The following SNX2 variants were observed in gnomAD, a reference collection of about 807,000 sequenced individuals.
SNX2 encodes sorting nexin 2, also known as sorting nexin-2.
A neutral mutation model predicts 69.9 loss-of-function variants in SNX2; 25 were observed. The ratio of observed to expected loss-of-function variants is 0.36; its 90% confidence interval spans 0.26 to 0.50. The LOEUF is 0.50. Ranked by LOEUF, SNX2 falls within the 20% of genes least tolerant of loss-of-function variation. SNX2 has a pLI of 0.97. For missense variants in SNX2, 551 were observed against 613.3 expected (o/e 0.90, Z 1.07); for synonymous variants, 229 against 200.4 (o/e 1.14, Z -1.20).
At chr5:122,779,859 T>A (rs1752933058) in intron 1 of SNX2, among the ~76,000 whole-genome samples, 1 of 152,182 alleles carries the variant, frequency 6.6e-6, no homozygotes, top group Non-Finnish European at 1.5e-5. Flanking sequence ...AAGCCCAGCA[T>A]GCATTAGGTC....
chr5:122,830,420 T>A lies in SNX2; in HGVS notation c.*772T>A, dbSNP rs1225178981. ...GGAAAAAAATGTATTTATATACTTT[T>A]ACAAGTCCCATGGATTTTGTTCATC... On this transcript the variant is annotated 3_prime_UTR_variant, in exon 15 of 15. Transcript: ENST00000379516. Among the ~76,000 whole-genome samples, 1 of 152,220 alleles carries A rather than the reference T, an allele frequency of 6.6e-6. No individual in the cohort carries two copies.
intron 5 of SNX2, 101 bp from the exon 6 acceptor site, chr5:122,803,371 G>T: frequency 8.7e-7 from 1 of 1,146,316 alleles, no homozygotes; most frequent in South Asian, 1.9e-5. Context: ...GCATTCTTTT[G>T]CAAAGTAGAT....
intron 6 of SNX2, among the ~76,000 whole-genome samples, chr5:122,806,235 A>T (rs372213657): frequency 1.3e-5 from 2 of 151,992 alleles, no homozygotes; most frequent in Admixed American, 1.3e-4. Flanking sequence ...AGAAATTATC[A>T]GGAAAAAAAT....
chr5:122,820,275 C>T (rs559750705), intron 11 of SNX2, among the ~76,000 whole-genome samples: 43 of 152,232 alleles, frequency 2.8e-4, no homozygotes, highest in African/African-American at 8.9e-4. Flanking sequence ...CTGTGGCTCA[C>T]GCCTGTAATC....
Position 122,803,614 on chromosome 5 carries a change from G to A in SNX2, c.643+1G>A. On this transcript the variant is annotated splice_donor_variant, in intron 6 of 14. Transcript: ENST00000379516. LOFTEE classifies it high-confidence loss of function. The stretch of plus-strand genomic sequence containing the variant: ...CCAGCTCCAGAAAAGAGTATAGTAG[G>A]TAAGCACAAATTTTTCAAAAATTAA... The A allele has an allele frequency of 1.3e-6, 2 of 1,590,768 alleles. No homozygotes were observed. The highest frequency in any genetic ancestry group is 1.7e-6 in the Non-Finnish European group (2 of 1,171,056).
Position 122,808,303 on chromosome 5 carries a change from G to A in SNX2, c.670G>A (p.Glu224Lys). 1.9e-6 allele frequency: 3 copies of A among 1,611,498 alleles called. No homozygotes were observed. The highest frequency in any genetic ancestry group is 2.5e-6 in the Non-Finnish European group (3 of 1,178,966). Residue 224 changes from glutamate (E) to lysine (K), a missense_variant, in exon 7 of 15, where the codon GAA (glutamate) becomes AAA (lysine). Transcript: ENST00000379516. ...VGMTKVKVGK[E>K]DSSSTEFVEK... ...GATGACCAAGGTCAAAGTGGGTAAA[G>A]AAGACTCATCATCCACTGAGTTTGT...
At chr5:122,790,302 A>G (rs537632227) in intron 1 of SNX2, among the ~76,000 whole-genome samples, 21 of 152,154 alleles carry the variant, frequency 1.4e-4, no homozygotes, top group Admixed American at 1.2e-3. Context: ...TGTATATTTA[A>G]TAGAGACGGG....
chr5:122,783,827 G>A (rs757600532), intron 1 of SNX2, among the ~76,000 whole-genome samples: 34 of 151,880 alleles, frequency 2.2e-4, no homozygotes, highest in South Asian at 1.0e-3. Context: ...ATTTTAATTG[G>A]GATTGTGTTG....
At chr5:122,775,576 TTTTGAAGGGG>T (rs1172408393) in intron 1 of SNX2, 4 of 999,494 alleles carry the variant, frequency 4.0e-6, no homozygotes, top group Non-Finnish European at 3.6e-6. Context: ...CACCGAGCTC[TTTTGAAGGGG>T]TGCTCGCTTT....
Position 122,779,083 on chromosome 5 carries a change from A to T in SNX2, c.108+3872A>T, listed in dbSNP as rs569875615. ...CTTTAAATACAGTTTTGCATGGAGT[A>T]GTAGATAGTACGTTTTAAAAAAAAG... On this transcript the variant is annotated intron_variant, in intron 1 of 14. Transcript: ENST00000379516. 7.9e-5 allele frequency among the ~76,000 whole-genome samples: 12 copies of T among 152,300 alleles called. No individual in the cohort carries two copies. In the South Asian group the frequency reaches 2.3e-3, roughly 29 times the overall value.
At chr5:122,795,216 C>A in intron 1 of SNX2, 50 bp from the exon 2 acceptor site, 2 of 1,180,298 alleles carry the variant, frequency 1.7e-6, no homozygotes, top group South Asian at 1.3e-5. Flanking sequence ...GACAGAATTA[C>A]AACAGGTAAA....
intron 7 of SNX2, chr5:122,808,839 T>C (rs1448908455): frequency 1.3e-5 from 2 of 152,294 alleles, no homozygotes; most frequent in Non-Finnish European, 2.9e-5. Context: ...ATAGTATAGC[T>C]AATTATAGTT....
At chr5:122,819,407 T>G (rs1183723048) in intron 11 of SNX2, among the ~76,000 whole-genome samples, 1 of 152,202 alleles carries the variant, frequency 6.6e-6, no homozygotes, top group Admixed American at 6.5e-5. Context: ...CAGAAACGAT[T>G]ATTGCAGTGA....
chr5:122,804,584 GT>G (rs1753591970), intron 6 of SNX2, among the ~76,000 whole-genome samples: 1 of 151,934 alleles, frequency 6.6e-6, no homozygotes, highest in Admixed American at 6.6e-5. Flanking sequence ...GGCCTGTCTG[GT>G]CTTGAACTCC....
intron 7 of SNX2, among the ~76,000 whole-genome samples, chr5:122,813,058 CA>C (rs1753816010): frequency 1.3e-5 from 2 of 152,096 alleles, no homozygotes; most frequent in South Asian, 4.1e-4. Flanking sequence ...TGATATTGAT[CA>C]ATTCCATTGT....
At position 122,815,918 on chromosome 5, in the gene SNX2, C is replaced by T. The variant is rs61762675; in HGVS notation, c.745C>T (p.His249Tyr). ...TAGGTATCTTCAAAGAACAGTAAAACATCCAACTTTACTACAGGATCCTGA... is the reference window on the plus strand; with the variant it reads ...TAGGTATCTTCAAAGAACAGTAAAATATCCAACTTTACTACAGGATCCTGA... Reference protein sequence around the residue: ...LERYLQRTVKHPTLLQDPDLR... With the variant: ...LERYLQRTVKYPTLLQDPDLR... The change falls in exon 8 of 15, where the codon CAT becomes TAT. Residue 249 changes from histidine (H) to tyrosine (Y), a missense_variant. By Grantham distance (83) the His-to-Tyr change is moderately conservative. Coordinates refer to ENST00000379516, the MANE Select transcript of SNX2 (RefSeq NM_003100.4). 6.2e-6 allele frequency: 10 copies of T among 1,602,466 alleles called. No homozygotes were observed. Among genetic ancestry groups the T allele is most frequent in the Non-Finnish European group, 8.5e-6 (10 of 1,173,038 alleles).
intron 11 of SNX2, among the ~76,000 whole-genome samples, chr5:122,819,582 G>C (rs1208615592): frequency 1.3e-5 from 2 of 152,192 alleles, no homozygotes; most frequent in African/African-American, 2.4e-5. Context: ...GAATAGTTGA[G>C]AAAGTAATCC....
intron 11 of SNX2, among the ~76,000 whole-genome samples, chr5:122,824,023 A>AACCC (rs1754090945): frequency 6.6e-6 from 1 of 151,908 alleles, no homozygotes; most frequent in African/African-American, 2.4e-5. Context: ...AACACAGTGA[A>AACCC]ACCCCGTCTC....
At chr5:122,821,708 G>A (rs755778455) in intron 11 of SNX2, among the ~76,000 whole-genome samples, 2 of 152,124 alleles carry the variant, frequency 1.3e-5, no homozygotes, top group Non-Finnish European at 2.9e-5. Flanking sequence ...GCCTGCCTCA[G>A]CCTCCCAAAG....
Sources: gnomAD v4.1 joint callset for allele counts (sites outside exome capture counted in the v4.1 genomes callset) on GRCh38, gnomAD v4.1.1 for gene constraint, MANE v1.5 for transcripts, NCBI Gene and HGNC (gene_info 2026-07-23, HGNC 2026-07-21) for gene names.